The following KCTD3 variants were observed in gnomAD, a reference collection of about 807,000 sequenced individuals.
The protein encoded by KCTD3 is BTB/POZ domain-containing protein KCTD3.
Under a neutral mutation model 85.8 loss-of-function variants are expected in KCTD3, and 41 were observed. The ratio of observed to expected loss-of-function variants is 0.48; its 90% CI spans 0.37 to 0.62. The LOEUF is 0.62. Among genes scored for constraint, KCTD3 ranks in the 20% least tolerant of loss-of-function variants. The pLI, the probability that KCTD3 is intolerant of heterozygous loss-of-function variation, is 0.00. For synonymous variants in KCTD3, 338 were observed against 345.4 expected (o/e 0.98, Z 0.24); for missense variants, 724 against 989.9 (o/e 0.73, Z 3.60).
chr1:215,598,602 TG>T (rs1654700732), intron 10 of KCTD3, among the ~76,000 whole-genome samples: 1 of 152,054 alleles, frequency 6.6e-6, no homozygotes, highest in South Asian at 2.1e-4. Flanking sequence ...ATCCCCAAAT[TG>T]GAAATAATGG....
At chr1:215,579,193 G>C in intron 7 of KCTD3, 56 bp downstream of exon 7, 1 of 1,411,550 alleles carries the variant, frequency 7.1e-7, no homozygotes, top group Non-Finnish European at 9.8e-7. Flanking sequence ...TTAGTGCTGG[G>C]TGATATTGAG....
chr1:215,602,135 G>A lies in KCTD3; in HGVS notation c.1072G>A (p.Glu358Lys). 1 of 1,611,678 alleles carries A rather than the reference G, an allele frequency of 6.2e-7. No homozygotes were observed. The highest frequency in any genetic ancestry group is 1.1e-5 in the South Asian group (1 of 90,562). Reference protein sequence around the residue: ...RMKDNDLLVTELYHDPSNDAI... With the variant: ...RMKDNDLLVTKLYHDPSNDAI... The stretch of plus-strand genomic sequence containing the variant: ...GAAAGATAATGATCTTCTTGTAACT[G>A]AACTGTATCATGATCCTTCAAATGA... The change falls in exon 12 of 18, where the codon GAA becomes AAA. Residue 358 changes from glutamate to lysine, a missense_variant. Physicochemically the swap from Glu to Lys is moderately conservative, Grantham distance 56. Around this residue, in one of 6 missense-constraint regions of KCTD3, gnomAD observed 146 missense variants for 320.3 expected, o/e 0.46. Transcript: ENST00000259154.
intron 1 of KCTD3, 117 bp from the exon 2 acceptor site, chr1:215,573,669 C>T (rs767137449): frequency 2.0e-5 from 12 of 595,768 alleles, no homozygotes; most frequent in Non-Finnish European, 3.6e-5. Flanking sequence ...TATATTGGTA[C>T]AGCTATAACT....
intron 8 of KCTD3, 140 bp downstream of exon 8, chr1:215,580,139 T>C: frequency 1.7e-6 from 1 of 594,110 alleles, no homozygotes; most frequent in South Asian, 2.1e-5. Flanking sequence ...GTCTGTATCA[T>C]CTGATTAAGA....
chr1:215,602,743 T>C (rs1014461803), intron 12 of KCTD3, among the ~76,000 whole-genome samples: 2 of 152,116 alleles, frequency 1.3e-5, no homozygotes, highest in African/African-American at 4.8e-5. Context: ...TAAGCACAAA[T>C]GGGAAATTTA....
chr1:215,608,208 A>G (rs748904464), intron 14 of KCTD3, 36 bp downstream of exon 14: 8 of 1,480,066 alleles, frequency 5.4e-6, no homozygotes, highest in African/African-American at 1.4e-5. Context: ...TTTAGGTACT[A>G]TATTAACTGT....
rs1659185751 is a variant in KCTD3 at position 215,567,694 on chromosome 1, A to G, written c.9A>G (p.Gly3=). Residue 3 remains glycine (G), a synonymous_variant, in exon 1 of 18, where the codon GGA becomes GGG. Transcript: ENST00000259154. The part of the protein sequence containing the change: MA[G]GHCGSFPAAA... ...GTCCGGAGCCGCCGGAGATGGCGGG[A>G]GGGCACTGCGGCAGCTTCCCCGCGG... is the stretch of plus-strand genomic sequence containing the variant. The G allele has an allele frequency of 8.1e-7, 1 of 1,239,812 alleles. No homozygotes were observed. 76.8% of individuals were successfully genotyped at this position (1,239,812 alleles called of 1,614,324 possible). A position where few individuals can be genotyped will look rare whatever the true frequency, so the allele number is the denominator to read the frequency against.
At chr1:215,610,966 A>G (rs1269623665) in intron 14 of KCTD3, among the ~76,000 whole-genome samples, 7 of 151,886 alleles carry the variant, frequency 4.6e-5, no homozygotes, top group Admixed American at 4.6e-4. Context: ...AACGGGATAT[A>G]TTGTCTTTAA....
At chr1:215,607,935 G>A (rs1378657784) in intron 13 of KCTD3, 82 bp from the exon 14 acceptor site, 1 of 1,093,890 alleles carries the variant, frequency 9.1e-7, no homozygotes, top group African/African-American at 1.6e-5. Flanking sequence ...TCTGATCTGT[G>A]TAATATAGAT....
intron 17 of KCTD3, among the ~76,000 whole-genome samples, chr1:215,619,848 G>T (rs1655595835): frequency 6.6e-6 from 1 of 151,960 alleles, no homozygotes; most frequent in Non-Finnish European, 1.5e-5. Flanking sequence ...GCATGTCTGT[G>T]AATATATGAT....
At chr1:215,578,910 T>G in intron 6 of KCTD3, 90 bp from the exon 7 acceptor site, 1 of 810,280 alleles carries the variant, frequency 1.2e-6, no homozygotes, top group Non-Finnish European at 1.9e-6. Context: ...TTAATGAAAT[T>G]CACATTTTTG....
chr1:215,582,008 C>G (rs867409269), intron 8 of KCTD3, among the ~76,000 whole-genome samples: 1 of 152,294 alleles, frequency 6.6e-6, no homozygotes, highest in Middle Eastern at 3.4e-3. Flanking sequence ...GTTTATGTCC[C>G]TTTTTCTTGC....
intron 7 of KCTD3, 91 bp downstream of exon 7, chr1:215,579,228 T>G: frequency 2.9e-6 from 3 of 1,028,806 alleles, no homozygotes; most frequent in Non-Finnish European, 4.3e-6. Flanking sequence ...GATTTTTGCC[T>G]CATCTCCTTT....
chr1:215,577,721 T>A lies in KCTD3; in HGVS notation c.309T>A (p.Thr103=). Residue 103 remains threonine (T), a synonymous_variant, in exon 5 of 18, where the codon ACT becomes ACA. Transcript: ENST00000259154. ...LRHEAEFYGI[T]PLVRRLLLCE... ...ATGAAGCAGAATTTTACGGGATCAC[T>A]CCATTAGGTATGTGCTCTTTTAATA... 1.3e-6 allele frequency: 2 copies of A among 1,587,360 alleles called. No individual in the cohort carries two copies. Among genetic ancestry groups the A allele is most frequent in the Non-Finnish European group, 1.7e-6 (2 of 1,155,806 alleles).
intron 9 of KCTD3, among the ~76,000 whole-genome samples, chr1:215,591,226 C>G (rs893548583): frequency 6.6e-6 from 1 of 152,090 alleles, no homozygotes; most frequent in Non-Finnish European, 1.5e-5. Flanking sequence ...AGCTATCTCC[C>G]GTTACCTCTT....
chr1:215,597,442 G>T (rs1654638671), intron 10 of KCTD3, among the ~76,000 whole-genome samples: 1 of 152,088 alleles, frequency 6.6e-6, no homozygotes, highest in Non-Finnish European at 1.5e-5. Flanking sequence ...ATTTATATTG[G>T]AAACATAGGT....
At chr1:215,590,106 C>CT (rs1660155649) in intron 9 of KCTD3, among the ~76,000 whole-genome samples, 4 of 152,178 alleles carry the variant, frequency 2.6e-5, no homozygotes, top group African/African-American at 7.2e-5. Context: ...TATTGTCAGT[C>CT]TTTTTAATTT....
At chr1:215,569,395 A>T (rs1357552585) in intron 1 of KCTD3, among the ~76,000 whole-genome samples, 5 of 152,136 alleles carry the variant, frequency 3.3e-5, no homozygotes, top group Non-Finnish European at 2.9e-5. Flanking sequence ...CTGGAATTAC[A>T]GGCGTGAGCC....
In KCTD3 at chr1:215,573,811, A is replaced by C. The variant is rs772811324; in HGVS notation, c.109A>C (p.Met37Leu). 6 of 1,577,730 alleles carry C rather than the reference A, an allele frequency of 3.8e-6. 1 individual carries two copies. The South Asian group carries it at 6.9e-5, about 18-fold the overall frequency. ...ATTTAGTACCTCAAGACAAACTCTTATGTGGATTCCAGATTCTTTTTTTTC... is the reference window on the plus strand; with the variant it reads ...ATTTAGTACCTCAAGACAAACTCTTCTGTGGATTCCAGATTCTTTTTTTTC... ...TRFSTSRQTL[M>L]WIPDSFFSSL... is the part of the protein sequence containing the mutation. Residue 37 changes from methionine to leucine, a missense_variant, in exon 2 of 18, where the codon ATG (methionine) becomes CTG (leucine). By Grantham distance (15) the Met-to-Leu change is conservative. Coordinates refer to ENST00000259154, the MANE Select transcript of KCTD3 (RefSeq NM_016121.5).
Sources: allele counts gnomAD v4.1 joint callset (sites outside exome capture counted in the v4.1 genomes callset), GRCh38; gene constraint gnomAD v4.1.1; regional missense constraint gnomAD v4.1.1; transcripts MANE v1.5; gene names NCBI Gene and HGNC (gene_info 2026-07-23, HGNC 2026-07-21).